STEAP1B: variants seen among roughly 807,000 people sequenced by gnomAD.
STEAP1B encodes STEAP family protein MGC87042.
In STEAP1B, 13 loss-of-function variants were observed where a neutral mutation model predicts 27.9. That is an observed-to-expected ratio of 0.47 (90% CI 0.30 to 0.74). The LOEUF is 0.74. STEAP1B is among the 30% of genes least tolerant of loss of function. The pLI is 0.06. For missense variants in STEAP1B, 250 were observed against 298.7 expected (o/e 0.84, Z 1.20); for synonymous variants, 86 against 107.1 (o/e 0.80, Z 1.22).
intron 4 of STEAP1B, among the ~76,000 whole-genome samples, chr7:22,444,331 T>G (rs1785376891): frequency 6.6e-6 from 1 of 152,168 alleles, no homozygotes; most frequent in African/African-American, 2.4e-5. Context: ...GCAGGATTGG[T>G]GAGGACTATT....
intron 4 of STEAP1B, among the ~76,000 whole-genome samples, chr7:22,454,332 G>C (rs12536301): frequency 0.13 from 20,357 of 152,050 alleles, 1,491 homozygotes; most frequent in Non-Finnish European, 0.17. Flanking sequence ...TTATTGGAGA[G>C]TGCATAGCCA....
intron 4 of STEAP1B, among the ~76,000 whole-genome samples, chr7:22,487,572 G>A (rs1009451755): frequency 5.2e-5 from 3 of 58,026 alleles, no homozygotes; most frequent in Non-Finnish European, 7.0e-5. Context: ...TGGCGGGGGC[G>A]GGGGGGTGCA....
At chr7:22,497,194 C>A (rs4719698) in intron 1 of STEAP1B, among the ~76,000 whole-genome samples, 135,678 of 152,260 alleles carry the variant, frequency 0.89, 60,547 homozygotes, top group African/African-American at 0.94. Context: ...GAACCTACTT[C>A]AAGCATGGTC....
rs1437561208 is a variant in STEAP1B at position 22,419,813 on chromosome 7, C to T, written c.786G>A (p.Leu262=). 1.3e-6 allele frequency: 2 copies of T among 1,550,196 alleles called. No individual in the cohort carries two copies. The highest frequency in any genetic ancestry group is 1.7e-6 in the Non-Finnish European group (2 of 1,146,126). Residue 262 remains leucine, a synonymous_variant, in exon 5 of 5, where the codon CTG becomes CTA. Coordinates refer to ENST00000678116, the MANE Select transcript of STEAP1B (RefSeq NM_001382447.1). ...YIQVHGRINF[L]TL Reference sequence around the variant, plus strand: ...TTACTGGCAGGATCTGTCACAAGGTCAGGAAGTTGATCCTACCATGTACCT... The same window carrying T: ...TTACTGGCAGGATCTGTCACAAGGTTAGGAAGTTGATCCTACCATGTACCT...
Position 22,479,763 on chromosome 7 carries a change from C to T in STEAP1B, c.762+12802G>A, listed in dbSNP as rs181029444. Among the ~76,000 whole-genome samples the T allele has an allele frequency of 4.2e-3, 604 of 144,318 alleles. 5 individuals carry two copies. Among genetic ancestry groups the T allele is most frequent in the South Asian group, 0.019 (84 of 4,414 alleles). The allele number at this position is 144,318 out of a possible 152,430, so 94.7% of individuals were successfully genotyped here. A position where few individuals can be genotyped will look rare whatever the true frequency, so the allele number is the denominator to read the frequency against. ...ACAGTGGTGTGATCTTGGCCCAGTG[C>T]AGCCTCCACCTCCCGGATTTAAGTG... On this transcript the variant is annotated intron_variant, in intron 4 of 4. Transcript: ENST00000678116.
rs550474802 is a variant in STEAP1B at position 22,483,966 on chromosome 7, C to A, written c.762+8599G>T. Among the ~76,000 whole-genome samples, 6 of 152,320 alleles carry A rather than the reference C, an allele frequency of 3.9e-5. No homozygotes were observed. In the South Asian group the frequency reaches 1.2e-3, roughly 32 times the overall value. ...TCTTAAGCCAAAGCCTAATCCAGAG[C>A]AAGGCCCTAAAGTTCTTCAGGTCTG... On this transcript the variant is annotated intron_variant, in intron 4 of 4. Coordinates refer to ENST00000678116, the MANE Select transcript of STEAP1B (RefSeq NM_001382447.1).
chr7:22,484,807 C>T (rs1786172190), intron 4 of STEAP1B, among the ~76,000 whole-genome samples: 1 of 152,320 alleles, frequency 6.6e-6, no homozygotes, highest in East Asian at 1.9e-4. Context: ...TCAACATTAT[C>T]AACATTCATA....
intron 4 of STEAP1B, among the ~76,000 whole-genome samples, chr7:22,469,346 A>T (rs1057216573): frequency 6.6e-6 from 1 of 152,230 alleles, no homozygotes; most frequent in Non-Finnish European, 1.5e-5. Context: ...AAAAAAGTTT[A>T]TATGGTAAGT....
intron 4 of STEAP1B, among the ~76,000 whole-genome samples, chr7:22,460,879 G>C (rs1464753152): frequency 1.3e-5 from 2 of 152,186 alleles, no homozygotes; most frequent in Non-Finnish European, 2.9e-5. Flanking sequence ...CATGTATATA[G>C]TAAGTAAGAT....
chr7:22,421,704 A>G (rs1041193521), intron 4 of STEAP1B, among the ~76,000 whole-genome samples: 1 of 152,260 alleles, frequency 6.6e-6, no homozygotes, highest in African/African-American at 2.4e-5. Context: ...CAAAAGTAAA[A>G]AGATTTTTCT....
intron 4 of STEAP1B, among the ~76,000 whole-genome samples, chr7:22,476,458 T>C (rs753197307): frequency 4.1e-4 from 63 of 152,194 alleles, no homozygotes; most frequent in Non-Finnish European, 8.7e-4. Flanking sequence ...ACGCAGTTTA[T>C]GGAGCATTTT....
intron 4 of STEAP1B, among the ~76,000 whole-genome samples, chr7:22,437,731 A>C (rs1215421304): frequency 4.6e-5 from 7 of 152,176 alleles, no homozygotes; most frequent in Admixed American, 2.6e-4. Flanking sequence ...ACAGTGTAAA[A>C]GGTTTTTCTC....
At chr7:22,479,366 G>A (rs1786027874) in intron 4 of STEAP1B, among the ~76,000 whole-genome samples, 1 of 152,190 alleles carries the variant, frequency 6.6e-6, no homozygotes, top group Admixed American at 6.5e-5. Flanking sequence ...ATCACATTAT[G>A]CTGCATAGTA....
At chr7:22,440,570 A>G (rs1785318424) in intron 4 of STEAP1B, among the ~76,000 whole-genome samples, 1 of 152,208 alleles carries the variant, frequency 6.6e-6, no homozygotes, top group South Asian at 2.1e-4. Flanking sequence ...ATTTGCTCTT[A>G]GCTTACTAAA....
intron 4 of STEAP1B, among the ~76,000 whole-genome samples, chr7:22,464,809 ATAAATTTCTGTTAAGACACCAG>A (rs1169448186): frequency 6.6e-6 from 1 of 151,236 alleles, no homozygotes; most frequent in African/African-American, 2.4e-5. Context: ...CTGGGAGGAA[ATAAATTTCTGTTAAGACACCAG>A]TCTGGTATTT....
intron 4 of STEAP1B, among the ~76,000 whole-genome samples, chr7:22,425,114 A>G (rs1254479515): frequency 2.0e-5 from 3 of 152,216 alleles, no homozygotes; most frequent in African/African-American, 4.8e-5. Flanking sequence ...AAAGGTGGGT[A>G]TTCCAGAATA....
chr7:22,476,033 C>A (rs1785965922), intron 4 of STEAP1B, among the ~76,000 whole-genome samples: 1 of 152,144 alleles, frequency 6.6e-6, no homozygotes, highest in Admixed American at 6.5e-5. Context: ...GGTGCCACCC[C>A]CAATGGGGTG....
At chr7:22,454,866 T>TATGTATATATA (rs58504014) in intron 4 of STEAP1B, among the ~76,000 whole-genome samples, 34 of 57,128 alleles carry the variant, frequency 6.0e-4, no homozygotes, top group African/African-American at 2.3e-3. Context: ...TATATATATA[T>TATGTATATATA]TTTTTTTTTT....
At chr7:22,431,894 G>A (rs1304347084) in intron 4 of STEAP1B, among the ~76,000 whole-genome samples, 1 of 152,196 alleles carries the variant, frequency 6.6e-6, no homozygotes, top group African/African-American at 2.4e-5. Flanking sequence ...ATCTGGCCCA[G>A]AGGTGGTAAC....
Sources: allele counts gnomAD v4.1 joint callset (sites outside exome capture counted in the v4.1 genomes callset), GRCh38; gene constraint gnomAD v4.1.1; transcripts MANE v1.5; gene names NCBI Gene and HGNC (gene_info 2026-07-23, HGNC 2026-07-21).